IFT74: variants seen among roughly 807,000 people sequenced by gnomAD.
IFT74 encodes intraflagellar transport 74.
IFT74 carries 92 observed loss-of-function variants against 96.7 expected under a neutral mutation model. The observed-to-expected ratio is 0.95, with a 90% confidence interval of 0.80 to 1.13. The LOEUF is 1.13. Ranked by LOEUF, IFT74 falls within the 50% of genes most tolerant of loss-of-function variation. The pLI is 0.00. For missense variants in IFT74, 811 were observed against 698.2 expected, an observed-to-expected ratio of 1.16 and a Z score of -1.82; for synonymous variants, 223 against 213.2, an observed-to-expected ratio of 1.05 and a Z score of -0.40.
chr9:26,980,839 A>T (rs540625412), intron 4 of IFT74, among the ~76,000 whole-genome samples: 3 of 152,334 alleles, frequency 2.0e-5, no homozygotes, highest in Admixed American at 1.3e-4. Context: ...TCTGAGATTT[A>T]TAGTTTTATG....
chr9:27,021,505 A>T (rs1351991643), intron 12 of IFT74, among the ~76,000 whole-genome samples: 1 of 152,132 alleles, frequency 6.6e-6, no homozygotes, highest in African/African-American at 2.4e-5. Flanking sequence ...ATTTTTAAAA[A>T]TTTTTTAATT....
intron 3 of IFT74, among the ~76,000 whole-genome samples, chr9:26,978,856 C>T (rs1827235228): frequency 6.6e-6 from 1 of 152,034 alleles, no homozygotes; most frequent in Admixed American, 6.6e-5. Context: ...TATATTAAAT[C>T]TCTCATTATG....
At chr9:26,949,016 T>C (rs1025718069) in intron 1 of IFT74, among the ~76,000 whole-genome samples, 1 of 152,222 alleles carries the variant, frequency 6.6e-6, no homozygotes, top group African/African-American at 2.4e-5. Context: ...TGTTTTTTTC[T>C]AGTTCCTCTG....
At chr9:26,980,534 C>T (rs375972301) in intron 3 of IFT74, 37 bp from the exon 4 acceptor site, 16 of 1,372,218 alleles carry the variant, frequency 1.2e-5, no homozygotes, top group South Asian at 2.3e-5. Flanking sequence ...GGTGGCATTT[C>T]GAACTGAACA....
chr9:26,979,822 C>T (rs1413758990), intron 3 of IFT74, among the ~76,000 whole-genome samples: 1 of 145,170 alleles, frequency 6.9e-6, no homozygotes, highest in African/African-American at 2.6e-5. Flanking sequence ...AAGCAATTCT[C>T]CTGCCTCAGC....
chr9:27,060,743 G>A (rs1221909859), intron 19 of IFT74, 92 bp downstream of exon 19: 22 of 805,368 alleles, frequency 2.7e-5, no homozygotes, highest in Non-Finnish European at 3.9e-5. Context: ...TGGGCCACAA[G>A]GTCAGGAGAT....
intron 14 of IFT74, 41 bp from the exon 15 acceptor site, chr9:27,047,233 C>T (rs1444175536): frequency 8.3e-7 from 1 of 1,203,512 alleles, no homozygotes; most frequent in East Asian, 2.4e-5. Flanking sequence ...ATAGTGTTAA[C>T]TCTATCAGCA....
In IFT74 at chr9:27,039,019, C is replaced by T. The variant is rs185753720; in HGVS notation, c.1055-5723C>T. ...ATTCTTCCAGCATAAATGATCTTTC[C>T]GATGTCCTGTTAGAAGGTTCAAGTT... On this transcript the variant is annotated intron_variant, in intron 13 of 19. Coordinates refer to ENST00000380062, the MANE Select transcript of IFT74 (RefSeq NM_025103.4). Among the ~76,000 whole-genome samples, 78 of 152,242 alleles carry T rather than the reference C, an allele frequency of 5.1e-4. No homozygotes were observed. The East Asian group carries it at 0.011, about 21-fold the overall frequency.
At chr9:27,028,403 G>C (rs1829972043) in intron 12 of IFT74, among the ~76,000 whole-genome samples, 1 of 152,146 alleles carries the variant, frequency 6.6e-6, no homozygotes, top group African/African-American at 2.4e-5. Flanking sequence ...GAGGGGGTGT[G>C]CTGTTTAACT....
chr9:27,064,870 T>C lies in IFT74; in HGVS notation c.*2134T>C, dbSNP rs1280862403. ...TCTGAGTGGTGGGATTATGGGTGAT[T>C]GTAATCTTCCTTGGGCTTTTTGGTA... On this transcript the variant is annotated 3_prime_UTR_variant, in exon 20 of 20. Transcript: ENST00000380062. Among the ~76,000 whole-genome samples, 1 of 152,098 alleles carries C rather than the reference T, an allele frequency of 6.6e-6. No homozygotes were observed. The highest frequency in any genetic ancestry group is 1.5e-5 in the Non-Finnish European group (1 of 67,982).
intron 3 of IFT74, 97 bp downstream of exon 3, chr9:26,978,360 G>C: frequency 1.6e-6 from 2 of 1,277,912 alleles, no homozygotes; most frequent in Non-Finnish European, 1.1e-6. Context: ...AGTATATTTT[G>C]AACAATAAGT....
chr9:27,045,203 G>C (rs1167150447), intron 14 of IFT74, among the ~76,000 whole-genome samples: 1 of 152,172 alleles, frequency 6.6e-6, no homozygotes, highest in Non-Finnish European at 1.5e-5. Flanking sequence ...TCTCATATGA[G>C]TGTGAACCCT....
chr9:26,978,066 C>T, intron 2 of IFT74, 62 bp from the exon 3 acceptor site: 1 of 1,411,908 alleles, frequency 7.1e-7, no homozygotes, highest in South Asian at 1.5e-5. Flanking sequence ...TGCAGTTTTA[C>T]AATAAAAGAT....
At chr9:27,037,698 C>G (rs192500983) in intron 13 of IFT74, among the ~76,000 whole-genome samples, 134 of 152,296 alleles carry the variant, frequency 8.8e-4, no homozygotes, top group African/African-American at 3.1e-3. Context: ...CATGGTCAAG[C>G]CAGGTCTTGT....
At chr9:27,049,488 G>A (rs1329056621) in intron 16 of IFT74, among the ~76,000 whole-genome samples, 5 of 152,210 alleles carry the variant, frequency 3.3e-5, no homozygotes, top group Admixed American at 3.3e-4. Context: ...ATCTTCTAAT[G>A]TGGGTAGAAG....
intron 14 of IFT74, among the ~76,000 whole-genome samples, chr9:27,045,261 C>T (rs887091498): frequency 1.3e-5 from 2 of 152,110 alleles, no homozygotes; most frequent in African/African-American, 4.8e-5. Flanking sequence ...AGAATCTAAC[C>T]CCTGATGATC....
intron 8 of IFT74, among the ~76,000 whole-genome samples, chr9:27,001,618 T>C (rs773056733): frequency 2.6e-5 from 4 of 152,226 alleles, no homozygotes; most frequent in Non-Finnish European, 4.4e-5. Context: ...TTGAGAAATA[T>C]CTATTCAGTT....
intron 10 of IFT74, among the ~76,000 whole-genome samples, chr9:27,012,997 G>A (rs553599406): frequency 6.6e-5 from 10 of 152,244 alleles, no homozygotes; most frequent in African/African-American, 2.4e-4. Context: ...GATTATAGGC[G>A]TGAGCCACTG....
chr9:26,970,883 C>T (rs531722458), intron 2 of IFT74, among the ~76,000 whole-genome samples: 22 of 152,208 alleles, frequency 1.4e-4, no homozygotes, highest in South Asian at 1.0e-3. Flanking sequence ...CCAGGGTAAC[C>T]GGGTTTCTAG....
Sources: gnomAD v4.1 joint callset for allele counts (sites outside exome capture counted in the v4.1 genomes callset) on GRCh38, gnomAD v4.1.1 for gene constraint, MANE v1.5 for transcripts, NCBI Gene and HGNC (gene_info 2026-07-23, HGNC 2026-07-21) for gene names.